SDK1: variants seen among roughly 807,000 people sequenced by gnomAD.
The protein encoded by SDK1 is sidekick cell adhesion molecule 1, also known as protein sidekick-1.
SDK1 carries 157 observed loss-of-function variants against 245.5 expected under a neutral mutation model. The ratio of observed to expected loss-of-function variants is 0.64; its 90% CI spans 0.56 to 0.73. SDK1 has a LOEUF of 0.73. SDK1 is among the 30% of genes least tolerant of loss of function. The pLI is 0.00. For missense variants in SDK1, 3,583 were observed against 3,002.3 expected (o/e 1.19, Z -4.52); for synonymous variants, 1,647 against 1,278.5 (o/e 1.29, Z -6.15).
intron 4 of SDK1, among the ~76,000 whole-genome samples, chr7:3,804,179 C>G (rs930418626): frequency 2.0e-5 from 3 of 152,186 alleles, no homozygotes; most frequent in South Asian, 2.1e-4. Flanking sequence ...TCTAAGAACT[C>G]TGCAATTTCT....
At chr7:3,644,868 A>C (rs896002387) in intron 4 of SDK1, among the ~76,000 whole-genome samples, 3 of 150,988 alleles carry the variant, frequency 2.0e-5, no homozygotes, top group Non-Finnish European at 4.4e-5. Flanking sequence ...AGAAGTTTCC[A>C]GTGCTGACCA....
At chr7:3,440,057 A>AT (rs1205490320) in intron 1 of SDK1, among the ~76,000 whole-genome samples, 4 of 152,206 alleles carry the variant, frequency 2.6e-5, no homozygotes, top group Admixed American at 2.6e-4. Flanking sequence ...CTGCATATTC[A>AT]TTTTTTTGTA....
chr7:3,566,391 A>AT (rs797016047), intron 1 of SDK1, among the ~76,000 whole-genome samples: 26 of 151,714 alleles, frequency 1.7e-4, no homozygotes, highest in African/African-American at 5.8e-4. Flanking sequence ...CGCCCAGCTA[A>AT]TTTTTTTGTA....
intron 4 of SDK1, among the ~76,000 whole-genome samples, chr7:3,723,403 G>C (rs1190660746): frequency 6.6e-6 from 1 of 152,190 alleles, no homozygotes; most frequent in Non-Finnish European, 1.5e-5. Flanking sequence ...TCTAAGGGCT[G>C]CTACTATATC....
At position 4,017,977 on chromosome 7, in the gene SDK1, G is replaced by A. The variant is rs143113242; in HGVS notation, c.2602+625G>A. On this transcript the variant is annotated intron_variant, in intron 17 of 44. Transcript: ENST00000404826. The stretch of plus-strand genomic sequence containing the variant: ...GCTTTCCACAGCATCTGGTTCCTCC[G>A]CTGTTTTCTGAAAGATTCAGATCTC... Among the ~76,000 whole-genome samples the A allele has an allele frequency of 7.0e-4, 106 of 152,136 alleles. 1 individual carries two copies. In the East Asian group the frequency reaches 0.018, roughly 26 times the overall value.
intron 4 of SDK1, among the ~76,000 whole-genome samples, chr7:3,813,459 G>A (rs1191641293): frequency 1.5e-5 from 2 of 137,072 alleles, no homozygotes; most frequent in African/African-American, 2.8e-5. Flanking sequence ...TTTTATGGCT[G>A]CATAGTATTC....
At chr7:3,594,592 C>G (rs1048339445) in intron 1 of SDK1, among the ~76,000 whole-genome samples, 1 of 152,162 alleles carries the variant, frequency 6.6e-6, no homozygotes, top group Non-Finnish European at 1.5e-5. Flanking sequence ...CACATCCTTG[C>G]CAACACTTGT....
At chr7:3,531,365 A>G (rs1041248496) in intron 1 of SDK1, among the ~76,000 whole-genome samples, 3 of 152,242 alleles carry the variant, frequency 2.0e-5, no homozygotes, top group Non-Finnish European at 2.9e-5. Context: ...AGTAAGAAAT[A>G]TGACAGACAT....
At chr7:3,645,392 A>G (rs1048176268) in intron 4 of SDK1, among the ~76,000 whole-genome samples, 1 of 152,136 alleles carries the variant, frequency 6.6e-6, no homozygotes, top group African/African-American at 2.4e-5. Flanking sequence ...CGTATTTTCC[A>G]CCTCATCATC....
chr7:3,770,163 C>T (rs765266813), intron 4 of SDK1, among the ~76,000 whole-genome samples: 2 of 151,958 alleles, frequency 1.3e-5, no homozygotes, highest in East Asian at 1.9e-4. Context: ...GGACTGTATC[C>T]GTTTCTATAA....
intron 1 of SDK1, among the ~76,000 whole-genome samples, chr7:3,532,444 C>G (rs777839181): frequency 6.6e-6 from 1 of 152,138 alleles, no homozygotes; most frequent in Non-Finnish European, 1.5e-5. Flanking sequence ...ACTCCTGGTA[C>G]GTTAGGTCTC....
chr7:3,575,065 A>G lies in SDK1; in HGVS notation c.299-44015A>G, dbSNP rs181671603. ...AAGAATGCCTCCTTTGCCTCTTACA[A>G]GACAGATTCTTACGTTGAAGTTGAC... On this transcript the variant is annotated intron_variant, in intron 1 of 44. Coordinates refer to ENST00000404826, the MANE Select transcript of SDK1 (RefSeq NM_152744.4). 2.4e-3 allele frequency among the ~76,000 whole-genome samples: 371 copies of G among 152,128 alleles called. 6 individuals are homozygous for G. Among genetic ancestry groups the G allele is most frequent in the South Asian group, 0.018 (86 of 4,822 alleles).
At chr7:3,933,181 G>C (rs950625163) in intron 5 of SDK1, among the ~76,000 whole-genome samples, 1 of 129,076 alleles carries the variant, frequency 7.7e-6, no homozygotes, top group African/African-American at 3.2e-5. Flanking sequence ...CTTGATCATA[G>C]CTCACTACAG....
At chr7:4,153,110 C>T (rs1448100532) in intron 30 of SDK1, among the ~76,000 whole-genome samples, 1 of 152,052 alleles carries the variant, frequency 6.6e-6, no homozygotes, top group Non-Finnish European at 1.5e-5. Flanking sequence ...CTCCTCTGAG[C>T]TCTGTCGTGG....
intron 1 of SDK1, among the ~76,000 whole-genome samples, chr7:3,487,311 C>G (rs1202881267): frequency 6.6e-6 from 1 of 152,054 alleles, no homozygotes; most frequent in Non-Finnish European, 1.5e-5. Flanking sequence ...TTTGGTATTT[C>G]TGGTATTCTC....
intron 5 of SDK1, among the ~76,000 whole-genome samples, chr7:3,932,304 G>A (rs896756514): frequency 6.6e-6 from 1 of 152,082 alleles, no homozygotes; most frequent in African/African-American, 2.4e-5. Flanking sequence ...TACAGCCTCC[G>A]CCTGGTGCTC....
Position 3,555,553 on chromosome 7 carries a change from C to G in SDK1, c.299-63527C>G, listed in dbSNP as rs190257932. Among the ~76,000 whole-genome samples the G allele has an allele frequency of 1.1e-3, 169 of 152,066 alleles. 2 individuals are homozygous for G. Among genetic ancestry groups the G allele is most frequent in the African/African-American group, 4.0e-3 (165 of 41,490 alleles). Reference sequence around the variant, plus strand: ...GTAATACTCTACAAATATGGGCAAACAAAGCAAAAATGGACAAATGAGATC... The same window carrying G: ...GTAATACTCTACAAATATGGGCAAAGAAAGCAAAAATGGACAAATGAGATC... On this transcript the variant is annotated intron_variant, in intron 1 of 44. Coordinates refer to ENST00000404826, the MANE Select transcript of SDK1 (RefSeq NM_152744.4).
intron 14 of SDK1, among the ~76,000 whole-genome samples, chr7:4,006,641 G>A (rs149222060): frequency 1.3e-5 from 2 of 152,308 alleles, no homozygotes; most frequent in Non-Finnish European, 2.9e-5. Flanking sequence ...AGATGGATCA[G>A]TTCATTTGTA....
chr7:3,473,120 C>G (rs952573297), intron 1 of SDK1, among the ~76,000 whole-genome samples: 1 of 152,186 alleles, frequency 6.6e-6, no homozygotes, highest in African/African-American at 2.4e-5. Context: ...AGCATCACAA[C>G]AGCCTTGTGA....
Sources: allele counts gnomAD v4.1 joint callset (sites outside exome capture counted in the v4.1 genomes callset), GRCh38; gene constraint gnomAD v4.1.1; transcripts MANE v1.5; gene names NCBI Gene and HGNC (gene_info 2026-07-23, HGNC 2026-07-21).